The following SMIM14 variants were observed in gnomAD, a reference collection of about 807,000 sequenced individuals.
SMIM14 encodes the protein chromosome 4 open reading frame 34.
SMIM14 carries 5 observed loss-of-function variants against 12.6 expected under a neutral mutation model. That is an observed-to-expected ratio of 0.40 (90% CI 0.21 to 0.83). The LOEUF is 0.83. Ranked by LOEUF, SMIM14 falls within the 40% of genes least tolerant of loss-of-function variation. The pLI is 0.37. For missense variants in SMIM14, 86 were observed against 119.1 expected (o/e 0.72, Z 1.29); for synonymous variants, 30 against 40.1 (o/e 0.75, Z 0.95).
intron 1 of SMIM14, among the ~76,000 whole-genome samples, chr4:39,625,871 A>T (rs1181730643): frequency 6.6e-6 from 1 of 152,262 alleles, no homozygotes; most frequent in African/African-American, 2.4e-5. Context: ...TACAACAGGA[A>T]TATACAGAAG....
In SMIM14 at chr4:39,555,133, G is replaced by A. The variant is rs533507507; in HGVS notation, c.267+1295C>T. On this transcript the variant is annotated intron_variant, in intron 4 of 4. Coordinates refer to ENST00000295958, the MANE Select transcript of SMIM14 (RefSeq NM_174921.3). Reference sequence around the variant, plus strand: ...TTACAGGCATGAGCCACCGCGCCCGGCCTCATGGAAATATTTTTAAAGAGA... The same window carrying A: ...TTACAGGCATGAGCCACCGCGCCCGACCTCATGGAAATATTTTTAAAGAGA... Among the ~76,000 whole-genome samples the A allele has an allele frequency of 2.5e-4, 38 of 151,420 alleles. No individual in the cohort carries two copies. The South Asian group carries it at 7.7e-3, about 31-fold the overall frequency.
At chr4:39,599,469 A>G (rs1714512970) in intron 2 of SMIM14, among the ~76,000 whole-genome samples, 1 of 152,194 alleles carries the variant, frequency 6.6e-6, no homozygotes, top group Non-Finnish European at 1.5e-5. Context: ...GCAAGAGGGC[A>G]GAAACAAGGT....
Position 39,575,896 on chromosome 4 carries a change from A to C in SMIM14, c.76-3433T>G, listed in dbSNP as rs559409665. Among the ~76,000 whole-genome samples, 130 of 106,268 alleles carry C rather than the reference A, an allele frequency of 1.2e-3. 2 individuals are homozygous for C. The highest frequency in any genetic ancestry group is 4.6e-3 in the African/African-American group (128 of 27,598). 69.7% of individuals were successfully genotyped at this position (106,268 alleles called of 152,430 possible). ...AGGCGTGAGCCACCATACCCAGCCT[A>C]CTTTTTTTTTTTTTTGAGATGGAGT... is the stretch of plus-strand genomic sequence containing the variant. On this transcript the variant is annotated intron_variant, in intron 2 of 4. Coordinates refer to ENST00000295958, the MANE Select transcript of SMIM14 (RefSeq NM_174921.3).
intron 2 of SMIM14, among the ~76,000 whole-genome samples, chr4:39,576,680 ATATATTTTTTTTTTTTTTTT>A (rs1713204728): frequency 9.8e-5 from 3 of 30,628 alleles, no homozygotes; most frequent in African/African-American, 4.2e-4. Context: ...ATATATATAT[ATATATTTTTTTTTTTTTTTT>A]TTTTTTTTTT....
At chr4:39,636,367 C>T (rs1716092370) in intron 1 of SMIM14, among the ~76,000 whole-genome samples, 1 of 152,120 alleles carries the variant, frequency 6.6e-6, no homozygotes, top group Non-Finnish European at 1.5e-5. Flanking sequence ...TCAGGCTGTG[C>T]TTTCTTTCCC....
rs1024208963 is a variant in SMIM14, at chr4:39,585,516, C to T, written c.76-13053G>A. Among the ~76,000 whole-genome samples the T allele has an allele frequency of 5.3e-5, 8 of 151,872 alleles. 1 individual carries two copies. Among genetic ancestry groups the T allele is most frequent in the African/African-American group, 1.2e-4 (5 of 41,270 alleles). ...TTCTCCATGTTGGTAAGTCTGGTCTCGAACTCCCGACCTCAGGTGATCTGC... is the reference window on the plus strand; with the variant it reads ...TTCTCCATGTTGGTAAGTCTGGTCTTGAACTCCCGACCTCAGGTGATCTGC... On this transcript the variant is annotated intron_variant, in intron 2 of 4. Coordinates refer to ENST00000295958, the MANE Select transcript of SMIM14 (RefSeq NM_174921.3).
intron 3 of SMIM14, among the ~76,000 whole-genome samples, chr4:39,559,465 C>G (rs934599922): frequency 4.6e-5 from 7 of 151,778 alleles, no homozygotes; most frequent in African/African-American, 1.5e-4. Context: ...ATGTAGTATC[C>G]CTAGGTGATT....
intron 1 of SMIM14, among the ~76,000 whole-genome samples, chr4:39,628,688 A>T (rs1390952955): frequency 6.6e-6 from 1 of 151,020 alleles, no homozygotes; most frequent in African/African-American, 2.4e-5. Context: ...TCTCAAACAA[A>T]CAAACAAACA....
intron 1 of SMIM14, among the ~76,000 whole-genome samples, chr4:39,615,264 C>T (rs945528061): frequency 2.0e-5 from 3 of 152,104 alleles, no homozygotes; most frequent in African/African-American, 7.2e-5. Context: ...TTAAGGGAAG[C>T]GGGGTGAGGA....
In SMIM14 at chr4:39,551,851, G is replaced by GGAAT. The variant is rs1215547713; in HGVS notation, c.*271_*274dup. ...AATCACAGTTACAAACAGAATGAGT[G>GGAAT]GAATGTTTGTAAGTTTAGGACAACC... On this transcript the variant is annotated 3_prime_UTR_variant, in exon 5 of 5. Coordinates refer to ENST00000295958, the MANE Select transcript of SMIM14 (RefSeq NM_174921.3). The GGAAT allele has an allele frequency of 2.1e-5, 6 of 279,452 alleles. No individual in the cohort carries two copies. The East Asian group carries it at 3.8e-4, about 18-fold the overall frequency. 17.3% of individuals were successfully genotyped at this position (279,452 alleles called of 1,614,324 possible).
chr4:39,627,747 T>A (rs1935021336), intron 1 of SMIM14, among the ~76,000 whole-genome samples: 1 of 152,206 alleles, frequency 6.6e-6, no homozygotes, highest in Admixed American at 6.5e-5. Flanking sequence ...TTCTTAATCT[T>A]GGTCTCTCAC....
intron 1 of SMIM14, among the ~76,000 whole-genome samples, chr4:39,634,421 A>T (rs542363502): frequency 1.3e-5 from 2 of 152,362 alleles, no homozygotes; most frequent in African/African-American, 4.8e-5. Context: ...TACAGTGATT[A>T]AAAAGATTTG....
chr4:39,568,882 G>A lies in SMIM14; in HGVS notation c.124+3533C>T, dbSNP rs73240609. 6.2e-3 allele frequency among the ~76,000 whole-genome samples: 943 copies of A among 152,278 alleles called. 4 individuals are homozygous for A. Among genetic ancestry groups the A allele is most frequent in the Middle Eastern group, 0.027 (8 of 294 alleles). ...TACCAACTGCTAAAAGAACTGGGGGGAAAGAAAAACTTGCCAATATGCCTA... is the reference window on the plus strand; with the variant it reads ...TACCAACTGCTAAAAGAACTGGGGGAAAAGAAAAACTTGCCAATATGCCTA... On this transcript the variant is annotated intron_variant, in intron 3 of 4. Coordinates refer to ENST00000295958, the MANE Select transcript of SMIM14 (RefSeq NM_174921.3).
chr4:39,638,567 G>C, intron 1 of SMIM14, 172 bp downstream of exon 1: 2 of 983,230 alleles, frequency 2.0e-6, no homozygotes, highest in Non-Finnish European at 2.4e-6. Context: ...CAGCAGCGGA[G>C]CTTCTCCCGG....
intron 1 of SMIM14, among the ~76,000 whole-genome samples, chr4:39,630,041 C>T (rs1490016713): frequency 6.6e-5 from 10 of 152,132 alleles, no homozygotes; most frequent in Non-Finnish European, 1.3e-4. Flanking sequence ...AAATAAATTA[C>T]AACAGAATCA....
chr4:39,609,952 C>A (rs1440163757), intron 1 of SMIM14, among the ~76,000 whole-genome samples: 1 of 152,198 alleles, frequency 6.6e-6, no homozygotes, highest in Non-Finnish European at 1.5e-5. Flanking sequence ...CCTCCCTATT[C>A]TCATTCCTTA....
Position 39,599,102 on chromosome 4 carries a change from A to G in SMIM14, c.75+5969T>C, listed in dbSNP as rs532794041. ...TGATTGAGAGATTGGCTGGATACAG[A>G]ATGCTGGACTGGTAATGACTTCCCT... is the stretch of plus-strand genomic sequence containing the variant. On this transcript the variant is annotated intron_variant, in intron 2 of 4. Coordinates refer to ENST00000295958, the MANE Select transcript of SMIM14 (RefSeq NM_174921.3). Among the ~76,000 whole-genome samples the G allele has an allele frequency of 9.8e-5, 15 of 152,338 alleles. No individual in the cohort carries two copies. The East Asian group carries it at 2.9e-3, about 29-fold the overall frequency.
Position 39,587,407 on chromosome 4 carries a change from G to C in SMIM14, c.76-14944C>G, listed in dbSNP as rs542395562. 9.2e-5 allele frequency among the ~76,000 whole-genome samples: 13 copies of C among 140,932 alleles called. No individual in the cohort carries two copies. In the East Asian group the frequency reaches 2.5e-3, roughly 28 times the overall value. The allele number at this position is 140,932 out of a possible 152,430, so 92.5% of individuals were successfully genotyped here. ...AGCTACTCGGGAGGCTGAGGCAGAA[G>C]AATGGCATGAAACAGGGACGTGGAG... On this transcript the variant is annotated intron_variant, in intron 2 of 4. Coordinates refer to ENST00000295958, the MANE Select transcript of SMIM14 (RefSeq NM_174921.3).
At chr4:39,618,606 C>T (rs1715308321) in intron 1 of SMIM14, among the ~76,000 whole-genome samples, 1 of 141,456 alleles carries the variant, frequency 7.1e-6, no homozygotes, top group Admixed American at 7.7e-5. Flanking sequence ...ATTGAGATCG[C>T]ACCACTGCAC....
Sources: gnomAD v4.1 joint callset for allele counts (sites outside exome capture counted in the v4.1 genomes callset) on GRCh38, gnomAD v4.1.1 for gene constraint, MANE v1.5 for transcripts, NCBI Gene and HGNC (gene_info 2026-07-23, HGNC 2026-07-21) for gene names.